GRK7: variants seen among roughly 807,000 people sequenced by gnomAD.
GRK7 encodes rhodopsin kinase GRK7.
GRK7 carries 24 observed loss-of-function variants against 34.1 expected under a neutral mutation model. That is an observed-to-expected ratio of 0.70 (90% CI 0.51 to 0.99). The LOEUF (loss-of-function observed/expected upper bound fraction) is 0.99. GRK7 is among the 50% of genes least tolerant of loss of function. GRK7 has a pLI of 0.00. For synonymous variants in GRK7, 256 were observed against 279.4 expected (o/e 0.92, Z 0.84); for missense variants, 644 against 707.3 (o/e 0.91, Z 1.02).
intron 2 of GRK7, among the ~76,000 whole-genome samples, chr3:141,777,436 T>A (rs563476378): frequency 7.0e-6 from 1 of 143,042 alleles, no homozygotes; most frequent in Non-Finnish European, 1.5e-5. Context: ...GCCATTCTCC[T>A]GCCTCAGCCT....
chr3:141,771,828 G>A (rs751338846), intron 1 of GRK7, among the ~76,000 whole-genome samples: 5 of 151,866 alleles, frequency 3.3e-5, no homozygotes, highest in Non-Finnish European at 5.9e-5. Flanking sequence ...GGGATTACAG[G>A]CACCCACCAC....
At chr3:141,759,844 G>C (rs2084547611), upstream of GRK7, among the ~76,000 whole-genome samples, 1 of 69,824 alleles carries the variant, frequency 1.4e-5, no homozygotes, top group African/African-American at 5.9e-5. Flanking sequence ...TCCTGTTATT[G>C]GTCTATTCAG....
intron 4 of GRK7, among the ~76,000 whole-genome samples, chr3:141,788,369 T>G (rs1370690026): frequency 6.6e-6 from 1 of 151,818 alleles, no homozygotes; most frequent in Non-Finnish European, 1.5e-5. Context: ...CAAGAGCTAC[T>G]GTAATAATCT....
intron 4 of GRK7, among the ~76,000 whole-genome samples, chr3:141,799,273 A>AG (rs1482212896): frequency 6.6e-6 from 1 of 152,148 alleles, no homozygotes; most frequent in Non-Finnish European, 1.5e-5. Flanking sequence ...GGTAAGAAAA[A>AG]GTCACTTCAC....
chr3:141,789,656 C>CAAAAAAAA (rs60765509), intron 4 of GRK7, among the ~76,000 whole-genome samples: 62 of 119,144 alleles, frequency 5.2e-4, no homozygotes, highest in Middle Eastern at 4.4e-3. Context: ...GCCAAATGGG[C>CAAAAAAAA]AAAAAAAAAA....
At chr3:141,790,960 T>G (rs1204953378) in intron 4 of GRK7, among the ~76,000 whole-genome samples, 1 of 152,254 alleles carries the variant, frequency 6.6e-6, no homozygotes, top group Non-Finnish European at 1.5e-5. Context: ...TTGTAAAAGA[T>G]TCCAAGTAAA....
At chr3:141,808,722 G>A (rs1295360811) in intron 5 of GRK7, among the ~76,000 whole-genome samples, 1 of 150,250 alleles carries the variant, frequency 6.7e-6, no homozygotes, top group Non-Finnish European at 1.5e-5. Context: ...CAAAAAAAAA[G>A]AAAGAAAGTA....
At chr3:141,812,907 G>C (rs1711107574) in intron 5 of GRK7, among the ~76,000 whole-genome samples, 1 of 152,148 alleles carries the variant, frequency 6.6e-6, no homozygotes, top group African/African-American at 2.4e-5. Flanking sequence ...GATCATGGAA[G>C]TGATGCAAGA....
intron 4 of GRK7, 103 bp from the exon 5 acceptor site, chr3:141,807,542 A>C: frequency 9.8e-7 from 1 of 1,017,298 alleles, no homozygotes. Context: ...CAACAAGGGA[A>C]GAAAAGGAGA....
At chr3:141,798,208 G>C (rs1374681483) in intron 4 of GRK7, among the ~76,000 whole-genome samples, 1 of 152,220 alleles carries the variant, frequency 6.6e-6, no homozygotes, top group Non-Finnish European at 1.5e-5. Context: ...GTTGGTGACA[G>C]GTGGCCCTGA....
At chr3:141,791,225 T>C (rs1268816180) in intron 4 of GRK7, among the ~76,000 whole-genome samples, 1 of 152,206 alleles carries the variant, frequency 6.6e-6, no homozygotes, top group Non-Finnish European at 1.5e-5. Flanking sequence ...GTATTATATT[T>C]ATTTCGAAGC....
chr3:141,753,188 A>C, the GRK7 span, among the ~76,000 whole-genome samples: 1 of 152,118 alleles, frequency 6.6e-6, no homozygotes, highest in Non-Finnish European at 1.5e-5. Context: ...CCTTCTCTGA[A>C]CCTATTTTCC....
At chr3:141,799,640 GTGATTCTTAGGT>G (rs894226969) in intron 4 of GRK7, among the ~76,000 whole-genome samples, 1 of 151,882 alleles carries the variant, frequency 6.6e-6, no homozygotes, top group Non-Finnish European at 1.5e-5. Flanking sequence ...CAGCCTGTGT[GTGATTCTTAGGT>G]TGGTGATCTT....
intron 4 of GRK7, among the ~76,000 whole-genome samples, chr3:141,805,470 C>T (rs1325964666): frequency 6.6e-6 from 1 of 152,156 alleles, no homozygotes; most frequent in African/African-American, 2.4e-5. Flanking sequence ...TTTGTCTGGA[C>T]AAATGCAAAA....
intron 4 of GRK7, among the ~76,000 whole-genome samples, chr3:141,794,661 G>A (rs1177801176): frequency 6.6e-6 from 1 of 152,212 alleles, no homozygotes; most frequent in African/African-American, 2.4e-5. Context: ...AAGTGAAACA[G>A]ATTGGAGGAG....
At chr3:141,794,229 G>T (rs865941903) in intron 4 of GRK7, among the ~76,000 whole-genome samples, 33 of 152,298 alleles carry the variant, frequency 2.2e-4, no homozygotes, top group African/African-American at 7.0e-4. Flanking sequence ...AAAGATAAAT[G>T]ATTACAAACA....
rs141790457 is a variant in GRK7 at position 141,780,505 on chromosome 3, C to G, written c.744C>G (p.Ser248Arg). 1 of 1,614,120 alleles carries G rather than the reference C, an allele frequency of 6.2e-7. No individual in the cohort carries two copies. The highest frequency in any genetic ancestry group is 1.3e-5 in the African/African-American group (1 of 74,938). Residue 248 changes from serine (S) to arginine (R), a missense_variant, in exon 4 of 6, where the codon AGC becomes AGG. Transcript: ENST00000682958. Reference protein sequence around the residue: ...LEKEILEKVSSPFIVSLAYAF... With the variant: ...LEKEILEKVSRPFIVSLAYAF... ...AGGAAATCTTGGAGAAGGTCAGCAGCCCTTTCATTGTCTCTCTGGCCTATG... is the reference window on the plus strand; with the variant it reads ...AGGAAATCTTGGAGAAGGTCAGCAGGCCTTTCATTGTCTCTCTGGCCTATG...
chr3:141,777,416 C>T (rs1480299494), intron 2 of GRK7, among the ~76,000 whole-genome samples: 2 of 140,384 alleles, frequency 1.4e-5, no homozygotes, highest in East Asian at 4.1e-4. Flanking sequence ...GCTCCGCCTC[C>T]CGGGTTCACG....
chr3:141,773,432 G>A (rs1403225506), intron 1 of GRK7, among the ~76,000 whole-genome samples: 4 of 151,820 alleles, frequency 2.6e-5, no homozygotes, highest in South Asian at 2.1e-4. Context: ...TTCTCCCCTC[G>A]AATCTGCATA....
Sources: allele counts gnomAD v4.1 joint callset (sites outside exome capture counted in the v4.1 genomes callset), GRCh38; gene constraint gnomAD v4.1.1; transcripts MANE v1.5; gene names NCBI Gene and HGNC (gene_info 2026-07-23, HGNC 2026-07-21).